The following TP63 variants were observed in gnomAD, a reference collection of about 807,000 sequenced individuals.
TP63 encodes the protein tumor protein p63.
In TP63, 17 loss-of-function variants were observed where a neutral mutation model predicts 82.8. The ratio of observed to expected loss-of-function variants is 0.21; its 90% CI spans 0.14 to 0.31. The LOEUF is 0.31. Among genes scored for constraint, TP63 ranks in the 10% least tolerant of loss-of-function variants. The pLI is 1.00. For missense variants in TP63, 648 were observed against 895.3 expected (o/e 0.72, Z 3.52); for synonymous variants, 330 against 321.7 (o/e 1.03, Z -0.28).
intron 3 of TP63, chr3:189,789,644 A>G (rs146733885): frequency 7.1e-7 from 1 of 1,403,390 alleles, no homozygotes; most frequent in African/African-American, 1.5e-5. Flanking sequence ...ATATTAGGAA[A>G]CCTTAAATTA....
At chr3:189,886,644 T>G (rs1392535235) in intron 11 of TP63, 93 bp downstream of exon 11, 2 of 1,556,460 alleles carry the variant, frequency 1.3e-6, no homozygotes, top group African/African-American at 2.7e-5. Context: ...TTAAGCTAAA[T>G]GAGAGACACA....
intron 3 of TP63, among the ~76,000 whole-genome samples, chr3:189,790,235 T>C (rs1037918280): frequency 6.6e-6 from 1 of 152,092 alleles, no homozygotes; most frequent in African/African-American, 2.4e-5. Flanking sequence ...CTTAACTTCT[T>C]AGCATAGTTC....
rs1720712628 is a variant in TP63, at chr3:189,737,925, G to T, written c.191+57G>T. On this transcript the variant is annotated intron_variant, in intron 2 of 13. Transcript: ENST00000264731. Reference sequence around the variant, plus strand: ...TTGAGCTAAATAGGTAAATGTGGGTGGTCAAAATATTGCTTACTAGGGCAT... The same window carrying T: ...TTGAGCTAAATAGGTAAATGTGGGTTGTCAAAATATTGCTTACTAGGGCAT... The T allele has an allele frequency of 4.4e-6, 7 of 1,607,718 alleles. No individual in the cohort carries two copies. In the South Asian group the frequency reaches 6.6e-5, roughly 15 times the overall value.
rs537982926 is a variant in TP63, at chr3:189,689,576, G to A, written c.63-48164G>A. On this transcript the variant is annotated intron_variant, in intron 1 of 13. Transcript: ENST00000264731. ...TGAGCTACTGGGGATTTCTTGAATC[G>A]TGTATTGGGAGTGTGCCAAAATTGT... 1.5e-3 allele frequency among the ~76,000 whole-genome samples: 224 copies of A among 152,208 alleles called. No homozygotes were observed. In the South Asian group the frequency reaches 0.016, roughly 11 times the overall value.
chr3:189,889,516 GC>G, intron 12 of TP63, 32 bp downstream of exon 12: 1 of 1,614,092 alleles, frequency 6.2e-7, no homozygotes, highest in Non-Finnish European at 8.5e-7. Context: ...CTGGGGGCCT[GC>G]CCTAAGCATC....
intron 3 of TP63, among the ~76,000 whole-genome samples, chr3:189,764,710 A>G (rs922806623): frequency 2.0e-4 from 31 of 152,204 alleles, no homozygotes; most frequent in African/African-American, 7.2e-4. Flanking sequence ...TTTACTTATC[A>G]TCCTCCCAAG....
chr3:189,753,896 A>G (rs1290301600), intron 3 of TP63, among the ~76,000 whole-genome samples: 3 of 152,100 alleles, frequency 2.0e-5, no homozygotes, highest in Admixed American at 6.6e-5. Flanking sequence ...GAGAATCACT[A>G]TTTTACAAAT....
intron 1 of TP63, among the ~76,000 whole-genome samples, chr3:189,724,337 A>G (rs138309578): frequency 6.6e-6 from 1 of 152,126 alleles, no homozygotes; most frequent in Non-Finnish European, 1.5e-5. Flanking sequence ...ATAATGATTT[A>G]TTTTCATAGG....
intron 3 of TP63, among the ~76,000 whole-genome samples, chr3:189,751,330 T>C (rs901149717): frequency 6.6e-6 from 1 of 152,234 alleles, no homozygotes; most frequent in African/African-American, 2.4e-5. Flanking sequence ...TTTGGGTATA[T>C]ACCCAGTAAT....
chr3:189,756,062 G>A (rs111990039), intron 3 of TP63, among the ~76,000 whole-genome samples: 10 of 152,098 alleles, frequency 6.6e-5, no homozygotes, highest in African/African-American at 2.4e-4. Context: ...AGTCTATTTC[G>A]AGACTTTCAC....
At chr3:189,642,826 A>C (rs1712017109) in intron 1 of TP63, among the ~76,000 whole-genome samples, 1 of 151,956 alleles carries the variant, frequency 6.6e-6, no homozygotes, top group Non-Finnish European at 1.5e-5. Context: ...CTTTCAGTAA[A>C]TTCTATATAG....
rs532881711 is a variant in TP63, at chr3:189,715,658, A to T, written c.63-22082A>T. ...ATAGCCACCATGGTATGTAAATCTG[A>T]TGCTAAAAATTGGAGCAGCTAGCCA... On this transcript the variant is annotated intron_variant, in intron 1 of 13. Coordinates refer to ENST00000264731, the MANE Select transcript of TP63 (RefSeq NM_003722.5). Among the ~76,000 whole-genome samples the T allele has an allele frequency of 7.2e-5, 11 of 152,326 alleles. No individual in the cohort carries two copies. The East Asian group carries it at 1.5e-3, about 21-fold the overall frequency.
chr3:189,782,466 C>T (rs975286382), intron 3 of TP63, among the ~76,000 whole-genome samples: 10 of 151,934 alleles, frequency 6.6e-5, no homozygotes, highest in Non-Finnish European at 8.8e-5. Flanking sequence ...AGTTTTAATC[C>T]GGCTATTCAA....
rs547611877 is a variant in TP63 at position 189,781,504 on chromosome 3, G to A, written c.325-26768G>A. ...GCAGCAATTAAAACCAGAGACGGAC[G>A]CTAGAACTCTCTAAGAGCAAAATGC... On this transcript the variant is annotated intron_variant, in intron 3 of 13. Coordinates refer to ENST00000264731, the MANE Select transcript of TP63 (RefSeq NM_003722.5). Among the ~76,000 whole-genome samples the A allele has an allele frequency of 7.2e-5, 11 of 152,258 alleles. No homozygotes were observed. In the South Asian group the frequency reaches 2.1e-3, roughly 29 times the overall value.
At chr3:189,734,361 A>G (rs909947544) in intron 1 of TP63, among the ~76,000 whole-genome samples, 2 of 151,882 alleles carry the variant, frequency 1.3e-5, no homozygotes, top group Non-Finnish European at 2.9e-5. Context: ...TGGAAGAGAC[A>G]GGGTTTCCTT....
the TP63 span, among the ~76,000 whole-genome samples, chr3:189,603,484 G>A: frequency 6.6e-6 from 1 of 151,832 alleles, no homozygotes; most frequent in Non-Finnish European, 1.5e-5. Context: ...GAAGCAGAAA[G>A]ATTTCTTCCT....
the TP63 span, among the ~76,000 whole-genome samples, chr3:189,614,166 A>G: frequency 1.3e-5 from 2 of 152,126 alleles, no homozygotes; most frequent in African/African-American, 4.8e-5. Flanking sequence ...CTTGAATTGC[A>G]TCTCCCAGAA....
At chr3:189,757,829 C>T (rs1268700747) in intron 3 of TP63, among the ~76,000 whole-genome samples, 6 of 151,968 alleles carry the variant, frequency 3.9e-5, no homozygotes, top group Admixed American at 6.6e-5. Context: ...AATAATTGTT[C>T]GTGGTTGCAG....
chr3:189,777,620 A>G lies in TP63; in HGVS notation c.325-30652A>G, dbSNP rs1049222797. Among the ~76,000 whole-genome samples, 3 of 151,516 alleles carry G rather than the reference A, an allele frequency of 2.0e-5. No homozygotes were observed. The South Asian group carries it at 6.3e-4, about 32-fold the overall frequency. ...TATTTCCTTTTTACCTTAAGGATTCAACTCCTTATCTCTTCATGAAGAATT... is the reference window on the plus strand; with the variant it reads ...TATTTCCTTTTTACCTTAAGGATTCGACTCCTTATCTCTTCATGAAGAATT... On this transcript the variant is annotated intron_variant, in intron 3 of 13. Coordinates refer to ENST00000264731, the MANE Select transcript of TP63 (RefSeq NM_003722.5).
Sources: allele counts gnomAD v4.1 joint callset (sites outside exome capture counted in the v4.1 genomes callset), GRCh38; gene constraint gnomAD v4.1.1; transcripts MANE v1.5; gene names NCBI Gene and HGNC (gene_info 2026-07-23, HGNC 2026-07-21).